Variants in TAAR1 observed in about 807,000 individuals in gnomAD.
TAAR1 encodes trace amine associated receptor 1.
Under a neutral mutation model 1.2 loss-of-function variants are expected in TAAR1, and 1 was observed. The ratio of observed to expected loss-of-function variants is 0.81; its 90% CI spans 0.29 to 3.86. TAAR1 has a LOEUF of 3.86. Among genes scored for constraint, TAAR1 ranks in the 30% most tolerant of loss-of-function variants. The pLI is 0.18. For missense variants in TAAR1, 445 were observed against 405.6 expected (o/e 1.10, Z -0.83); for synonymous variants, 153 against 132.2 (o/e 1.16, Z -1.08).
At chr6:132,654,242 C>T (rs1420520922) in intron 1 of TAAR1, among the ~76,000 whole-genome samples, 6 of 152,224 alleles carry the variant, frequency 3.9e-5, no homozygotes, top group African/African-American at 1.4e-4. Context: ...CAAGAACACA[C>T]TTTCAAATCT....
intron 1 of TAAR1, among the ~76,000 whole-genome samples, chr6:132,657,826 T>A (rs1384532969): frequency 6.6e-6 from 1 of 152,090 alleles, no homozygotes; most frequent in Non-Finnish European, 1.5e-5. Flanking sequence ...CTTTTCCATC[T>A]CTATGACATA....
At chr6:132,646,318 T>C (rs757390388) in intron 1 of TAAR1, among the ~76,000 whole-genome samples, 189 bp from the exon 2 acceptor site, 61 of 152,160 alleles carry the variant, frequency 4.0e-4, no homozygotes, top group Non-Finnish European at 1.0e-4. Context: ...TCTAGAAATA[T>C]GAAGCTAAAT....
At position 132,644,810 on chromosome 6, in the gene TAAR1, C is replaced by A. The variant is rs1041761935; in HGVS notation, c.*174G>T. Among the ~76,000 whole-genome samples, 3 of 151,988 alleles carry A rather than the reference C, an allele frequency of 2.0e-5. No individual in the cohort carries two copies. The highest frequency in any genetic ancestry group is 4.4e-5 in the Non-Finnish European group (3 of 67,962). On this transcript the variant is annotated 3_prime_UTR_variant, in exon 2 of 2. Transcript: ENST00000275216. ...GTAAGAATGGAAAAGCGTATACCTA[C>A]TATGTCCCAAATAGGAAATTACCTA... is the stretch of plus-strand genomic sequence containing the variant.
chr6:132,655,140 A>G (rs1301705949), intron 1 of TAAR1, among the ~76,000 whole-genome samples: 3 of 152,226 alleles, frequency 2.0e-5, no homozygotes, highest in Non-Finnish European at 2.9e-5. Context: ...CAGCTACTAT[A>G]GAAGCAGGAA....
chr6:132,645,019 A>C lies in TAAR1; in HGVS notation c.985T>G (p.Ser329Ala). 6.3e-7 allele frequency: 1 copy of C among 1,582,162 alleles called. No individual in the cohort carries two copies. Among genetic ancestry groups the C allele is most frequent in the East Asian group, 2.2e-5 (1 of 44,652 alleles). ...LFGKIFQKDS[S>A]RCKLFLELSS The stretch of plus-strand genomic sequence containing the variant: ...AATTCCAAAAATAATTTACACCTGG[A>C]TGAATCTTTTTGGAAAATTTTACCA... Residue 329 changes from serine to alanine, a missense_variant, in exon 2 of 2, where the codon TCC (serine) becomes GCC (alanine). Physicochemically the swap from Ser to Ala is moderately conservative, Grantham distance 99 (BLOSUM62 1). Transcript: ENST00000275216.
intron 1 of TAAR1, among the ~76,000 whole-genome samples, chr6:132,648,564 AGTAT>A (rs1449918851): frequency 6.6e-6 from 1 of 152,230 alleles, no homozygotes; most frequent in African/African-American, 2.4e-5. Context: ...CCTTAGGCAC[AGTAT>A]CTTAGAAATT....
At position 132,645,674 on chromosome 6, in the gene TAAR1, G is replaced by A. The variant is rs1210932485; in HGVS notation, c.330C>T (p.Ser110=). 3 of 1,613,444 alleles carry A rather than the reference G, an allele frequency of 1.9e-6. No individual in the cohort carries two copies. Among genetic ancestry groups the A allele is most frequent in the East Asian group, 2.2e-5 (1 of 44,848 alleles). ...TGGAGATGAAAGACAAATGGAAAAT[G>A]GAGGCTGAGCTCAGCATAATGTCGG... is the stretch of plus-strand genomic sequence containing the variant. ...TSTDIMLSSA[S]IFHLSFISID... The change falls in exon 2 of 2, where the codon TCC becomes TCT. Residue 110 remains serine (S), a synonymous_variant. Coordinates refer to ENST00000275216, the MANE Select transcript of TAAR1 (RefSeq NM_138327.4).
At chr6:132,647,321 G>C (rs1777683779) in intron 1 of TAAR1, among the ~76,000 whole-genome samples, 1 of 150,244 alleles carries the variant, frequency 6.7e-6, no homozygotes, top group Admixed American at 6.7e-5. Flanking sequence ...GTAATTCTGA[G>C]CTAAATTCTA....
intron 1 of TAAR1, among the ~76,000 whole-genome samples, chr6:132,647,763 T>C (rs959559513): frequency 2.0e-5 from 3 of 152,076 alleles, no homozygotes; most frequent in Admixed American, 6.6e-5. Context: ...TGAAGTCCTA[T>C]AGTCTATCAC....
At chr6:132,657,788 G>A (rs1199383578) in intron 1 of TAAR1, among the ~76,000 whole-genome samples, 6 of 151,980 alleles carry the variant, frequency 3.9e-5, no homozygotes, top group Admixed American at 1.3e-4. Flanking sequence ...TTTTACCTGG[G>A]TGGTGAATTA....
At chr6:132,647,636 G>GAA (rs1211052964) in intron 1 of TAAR1, among the ~76,000 whole-genome samples, 4 of 104,468 alleles carry the variant, frequency 3.8e-5, no homozygotes, top group Non-Finnish European at 7.5e-5. Flanking sequence ...AAGAAAGAAA[G>GAA]AAAGAAAGAA....
At chr6:132,658,920 C>T (rs1192836106) in intron 1 of TAAR1, among the ~76,000 whole-genome samples, 1 of 152,164 alleles carries the variant, frequency 6.6e-6, no homozygotes, top group Non-Finnish European at 1.5e-5. Flanking sequence ...ATTCTTTTAG[C>T]TTCTCTTGCT....
In TAAR1 at chr6:132,643,639, TTAAA is replaced by T. The variant is rs1204842000; in HGVS notation, c.*1341_*1344del. On this transcript the variant is annotated 3_prime_UTR_variant, in exon 2 of 2. Transcript: ENST00000275216. Reference sequence around the variant, plus strand: ...CGCAGCAGTGTGCATTTAGTTACGTTTAAAATCATTTGCCTTACCCTAACTTATT... The same window carrying T: ...CGCAGCAGTGTGCATTTAGTTACGTTATCATTTGCCTTACCCTAACTTATT... Among the ~76,000 whole-genome samples, 4 of 152,070 alleles carry T rather than the reference TTAAA, an allele frequency of 2.6e-5. No homozygotes were observed. Among genetic ancestry groups the T allele is most frequent in the Non-Finnish European group, 5.9e-5 (4 of 67,896 alleles).
At chr6:132,653,129 C>G (rs937765633) in intron 1 of TAAR1, among the ~76,000 whole-genome samples, 2 of 152,080 alleles carry the variant, frequency 1.3e-5, no homozygotes. Flanking sequence ...ACCTGAGCTC[C>G]AAAGCAGATT....
chr6:132,658,393 T>C (rs1036481097), intron 1 of TAAR1, among the ~76,000 whole-genome samples: 32 of 152,168 alleles, frequency 2.1e-4, no homozygotes, highest in African/African-American at 6.5e-4. Context: ...AGCAATATTA[T>C]GATAAATGTA....
At chr6:132,647,502 AAGGG>A (rs1056096460) in intron 1 of TAAR1, among the ~76,000 whole-genome samples, 19 of 149,284 alleles carry the variant, frequency 1.3e-4, no homozygotes, top group African/African-American at 4.4e-4. Flanking sequence ...GGAAGAAAGG[AAGGG>A]AGGGAGGGAG....
At chr6:132,654,684 GAGAGGTGTA>G (rs1317264719) in intron 1 of TAAR1, among the ~76,000 whole-genome samples, 6 of 152,166 alleles carry the variant, frequency 3.9e-5, no homozygotes, top group African/African-American at 1.4e-4. Flanking sequence ...ATTACTTGCA[GAGAGGTGTA>G]AGATTCTTAT....
intron 1 of TAAR1, among the ~76,000 whole-genome samples, chr6:132,652,594 C>T (rs1350031487): frequency 3.4e-5 from 5 of 148,774 alleles, no homozygotes; most frequent in African/African-American, 5.0e-5. Context: ...CGTGAGCCAC[C>T]GCACCTGGCT....
chr6:132,649,400 C>T lies in TAAR1; in HGVS notation c.-126-3271G>A, dbSNP rs768126558. ...TGGAGAAAGAGTAAGTGTCCACTTA[C>T]ACTCATTGCCATTGAAGATCTTTCC... On this transcript the variant is annotated intron_variant, in intron 1 of 1. Transcript: ENST00000275216. Among the ~76,000 whole-genome samples the T allele has an allele frequency of 1.3e-4, 20 of 152,248 alleles. No homozygotes were observed. In the East Asian group the frequency reaches 2.7e-3, roughly 21 times the overall value.
Sources: gnomAD v4.1 joint callset for allele counts (sites outside exome capture counted in the v4.1 genomes callset) on GRCh38, gnomAD v4.1.1 for gene constraint, MANE v1.5 for transcripts, NCBI Gene and HGNC (gene_info 2026-07-23, HGNC 2026-07-21) for gene names.